The following RSPO2 variants were observed in gnomAD, a reference collection of about 807,000 sequenced individuals.
RSPO2 encodes R-spondin-2.
Under a neutral mutation model 30.9 loss-of-function variants are expected in RSPO2, and 14 were observed. The observed-to-expected ratio is 0.45, with a 90% CI of 0.30 to 0.71. The LOEUF is 0.71. Among genes scored for constraint, RSPO2 ranks in the 30% least tolerant of loss-of-function variants. The pLI, the probability that RSPO2 is intolerant of heterozygous loss-of-function variation, is 0.08. For synonymous variants in RSPO2, 107 were observed against 96.4 expected (o/e 1.11, Z -0.64); for missense variants, 264 against 301.9 (o/e 0.87, Z 0.93).
intron 5 of RSPO2, among the ~76,000 whole-genome samples, chr8:107,933,468 C>G (rs957867070): frequency 6.6e-6 from 1 of 152,154 alleles, no homozygotes; most frequent in Admixed American, 6.6e-5. Context: ...TTATCACCCT[C>G]TCTCTATATG....
intron 2 of RSPO2, among the ~76,000 whole-genome samples, chr8:107,991,222 G>A (rs989636782): frequency 1.3e-5 from 2 of 150,294 alleles, no homozygotes; most frequent in African/African-American, 4.9e-5. Context: ...ACTCCAGCCT[G>A]GGCAACAGGA....
chr8:107,943,723 T>G (rs1483207591), intron 5 of RSPO2, among the ~76,000 whole-genome samples: 1 of 152,218 alleles, frequency 6.6e-6, no homozygotes, highest in East Asian at 1.9e-4. Flanking sequence ...GAGTTGACAA[T>G]TATACCAAAT....
At chr8:107,988,497 T>C (rs184201343) in intron 3 of RSPO2, among the ~76,000 whole-genome samples, 154 of 152,150 alleles carry the variant, frequency 1.0e-3, no homozygotes, top group African/African-American at 3.6e-3. Flanking sequence ...GTACTTGAGA[T>C]CGTTGTGATT....
intron 5 of RSPO2, among the ~76,000 whole-genome samples, chr8:107,915,755 C>T (rs1811962854): frequency 6.6e-6 from 1 of 152,108 alleles, no homozygotes; most frequent in Non-Finnish European, 1.5e-5. Context: ...CCACTCTTCG[C>T]AGGTGACTAG....
At chr8:107,949,777 A>G (rs943952867) in intron 5 of RSPO2, among the ~76,000 whole-genome samples, 14 of 152,192 alleles carry the variant, frequency 9.2e-5, no homozygotes, top group Non-Finnish European at 8.8e-5. Flanking sequence ...TACAATGTAC[A>G]TTATTTGGGC....
intron 5 of RSPO2, among the ~76,000 whole-genome samples, chr8:107,924,003 C>T (rs1812272987): frequency 6.6e-6 from 1 of 151,400 alleles, no homozygotes; most frequent in Admixed American, 6.6e-5. Context: ...AGGCTAAGTG[C>T]CTGGGTGATT....
chr8:107,962,039 T>C (rs1813643894), intron 3 of RSPO2, among the ~76,000 whole-genome samples: 1 of 152,212 alleles, frequency 6.6e-6, no homozygotes, highest in South Asian at 2.1e-4. Flanking sequence ...CAGATTGTGG[T>C]ACATTATTAC....
At chr8:108,056,756 T>A (rs111880071) in intron 2 of RSPO2, among the ~76,000 whole-genome samples, 2,095 of 151,110 alleles carry the variant, frequency 0.014, 49 homozygotes, top group African/African-American at 0.048. Flanking sequence ...AAATGATTCC[T>A]AAGATAAAAA....
chr8:108,040,010 C>T (rs979465390), intron 2 of RSPO2, among the ~76,000 whole-genome samples: 1 of 152,146 alleles, frequency 6.6e-6, no homozygotes, highest in East Asian at 1.9e-4. Context: ...ATTTTGGACT[C>T]CTGTGCCTCC....
Position 108,055,064 on chromosome 8 carries a change from T to C in RSPO2, c.94+27481A>G, listed in dbSNP as rs778845190. ...TGAGCCCAGGAGGTCGAGGCTACAGTGAGCTGAGATCGCACCACTGCACTC... is the reference window on the plus strand; with the variant it reads ...TGAGCCCAGGAGGTCGAGGCTACAGCGAGCTGAGATCGCACCACTGCACTC... On this transcript the variant is annotated intron_variant, in intron 2 of 5. Coordinates refer to ENST00000276659, the MANE Select transcript of RSPO2 (RefSeq NM_178565.5). 7.9e-5 allele frequency among the ~76,000 whole-genome samples: 12 copies of C among 152,116 alleles called. 1 individual carries two copies. Among genetic ancestry groups the C allele is most frequent in the Non-Finnish European group, 1.5e-4 (10 of 68,006 alleles).
At chr8:107,965,756 G>A (rs1230983519) in intron 3 of RSPO2, among the ~76,000 whole-genome samples, 2 of 151,954 alleles carry the variant, frequency 1.3e-5, no homozygotes, top group East Asian at 3.9e-4. Flanking sequence ...TTCAATTTCT[G>A]TAATATTTGC....
At chr8:107,991,166 G>A (rs1173620187) in intron 2 of RSPO2, among the ~76,000 whole-genome samples, 1 of 151,554 alleles carries the variant, frequency 6.6e-6, no homozygotes, top group African/African-American at 2.4e-5. Flanking sequence ...AGAACTGCCT[G>A]AACCTGGAAG....
chr8:108,052,407 A>G (rs1812103540), intron 2 of RSPO2, among the ~76,000 whole-genome samples: 1 of 152,328 alleles, frequency 6.6e-6, no homozygotes, highest in Admixed American at 6.5e-5. Flanking sequence ...CTTTATTAAT[A>G]CTTAATATAT....
At chr8:108,082,155 A>G (rs1046017209) in intron 2 of RSPO2, among the ~76,000 whole-genome samples, 1 of 152,134 alleles carries the variant, frequency 6.6e-6, no homozygotes, top group African/African-American at 2.4e-5. Context: ...GCTACAGGGA[A>G]GATGGTTAGG....
intron 2 of RSPO2, among the ~76,000 whole-genome samples, chr8:108,035,002 C>T (rs1811545940): frequency 6.6e-6 from 1 of 152,134 alleles, no homozygotes; most frequent in Non-Finnish European, 1.5e-5. Flanking sequence ...CTAATAAAAT[C>T]GATTGAATGT....
chr8:108,054,773 G>A (rs1196256388), intron 2 of RSPO2, among the ~76,000 whole-genome samples: 1 of 151,470 alleles, frequency 6.6e-6, no homozygotes, highest in Non-Finnish European at 1.5e-5. Flanking sequence ...GTGCCCTAAG[G>A]CCCCCTCTTG....
chr8:108,082,514 C>T lies in RSPO2; in HGVS notation c.94+31G>A. ...GCCTCCACACGCCACCCCTGAAGCC[C>T]ACCACGCACCTTTGGCAGAGAGGGA... On this transcript the variant is annotated intron_variant, in intron 2 of 5. Transcript: ENST00000276659. 1.9e-6 allele frequency: 3 copies of T among 1,574,048 alleles called. No individual in the cohort carries two copies. In the South Asian group the frequency reaches 3.3e-5, roughly 17 times the overall value.
At chr8:108,065,571 T>C (rs1430796229) in intron 2 of RSPO2, among the ~76,000 whole-genome samples, 1 of 151,828 alleles carries the variant, frequency 6.6e-6, no homozygotes, top group African/African-American at 2.4e-5. Context: ...ATAGTAATGA[T>C]TCAAAGCAAT....
chr8:108,069,621 AC>A (rs1330209428), intron 2 of RSPO2, among the ~76,000 whole-genome samples: 2 of 152,192 alleles, frequency 1.3e-5, no homozygotes, highest in African/African-American at 4.8e-5. Flanking sequence ...CAGTCATCCC[AC>A]ATCCTAAATG....
Sources: gnomAD v4.1 joint callset for allele counts (sites outside exome capture counted in the v4.1 genomes callset) on GRCh38, gnomAD v4.1.1 for gene constraint, MANE v1.5 for transcripts, NCBI Gene and HGNC (gene_info 2026-07-23, HGNC 2026-07-21) for gene names.